LHFPL3: variants seen among roughly 807,000 people sequenced by gnomAD.
LHFPL3 encodes the protein LHFPL tetraspan subfamily member 3.
In LHFPL3, 5 loss-of-function variants were observed where a neutral mutation model predicts 19.3. The observed-to-expected ratio is 0.26, with a 90% confidence interval of 0.14 to 0.54. The LOEUF is 0.54. Among genes scored for constraint, LHFPL3 ranks in the 20% least tolerant of loss-of-function variants. LHFPL3 has a pLI of 0.94. For synonymous variants in LHFPL3, 133 were observed against 126.2 expected, an observed-to-expected ratio of 1.05 and a Z score of -0.36; for missense variants, 249 against 307.4, an observed-to-expected ratio of 0.81 and a Z score of 1.42.
intron 2 of LHFPL3, among the ~76,000 whole-genome samples, chr7:104,757,004 C>T (rs1211018284): frequency 1.3e-5 from 2 of 151,950 alleles, no homozygotes; most frequent in Non-Finnish European, 2.9e-5. Context: ...TAGAATGGTG[C>T]CCTACAAGTG....
chr7:104,790,896 GTC>G (rs1250134419), intron 2 of LHFPL3, among the ~76,000 whole-genome samples: 1 of 152,208 alleles, frequency 6.6e-6, no homozygotes, highest in Non-Finnish European at 1.5e-5. Context: ...AGTCATCTGT[GTC>G]TATGAAATAC....
intron 2 of LHFPL3, among the ~76,000 whole-genome samples, chr7:104,821,327 C>T (rs1790672866): frequency 1.3e-5 from 2 of 152,166 alleles, no homozygotes; most frequent in African/African-American, 4.8e-5. Context: ...TCGTGGGTGG[C>T]AGGGGCTGTG....
At chr7:104,659,694 T>C (rs1237947512) in intron 1 of LHFPL3, among the ~76,000 whole-genome samples, 3 of 152,156 alleles carry the variant, frequency 2.0e-5, no homozygotes, top group Admixed American at 6.5e-5. Context: ...AACTGAATGA[T>C]AGAAGGCCTT....
chr7:104,557,639 G>A (rs1193952266), intron 1 of LHFPL3, among the ~76,000 whole-genome samples: 1 of 151,996 alleles, frequency 6.6e-6, no homozygotes, highest in South Asian at 2.1e-4. Context: ...ACAGCAAGGA[G>A]ACTTTAATCT....
At chr7:104,621,970 A>T (rs185821674) in intron 1 of LHFPL3, among the ~76,000 whole-genome samples, 1 of 152,332 alleles carries the variant, frequency 6.6e-6, no homozygotes, top group East Asian at 1.9e-4. Context: ...CCCACCCCAG[A>T]AGATACAGCA....
chr7:104,799,124 C>A (rs1174415076), intron 2 of LHFPL3, among the ~76,000 whole-genome samples: 1 of 152,194 alleles, frequency 6.6e-6, no homozygotes, highest in African/African-American at 2.4e-5. Context: ...GTTACAACTG[C>A]CTAGTGACAA....
chr7:104,701,842 G>A (rs1236418230), intron 1 of LHFPL3, among the ~76,000 whole-genome samples: 1 of 148,410 alleles, frequency 6.7e-6, no homozygotes, highest in East Asian at 2.0e-4. Flanking sequence ...ATATTTCTAG[G>A]AACCCTTTTT....
chr7:104,898,943 C>G (rs891243152), intron 2 of LHFPL3, among the ~76,000 whole-genome samples: 27 of 151,934 alleles, frequency 1.8e-4, no homozygotes, highest in African/African-American at 6.3e-4. Context: ...AAAACTCTGT[C>G]TCTACAAAAA....
chr7:104,423,311 A>C (rs957717790), intron 1 of LHFPL3, among the ~76,000 whole-genome samples: 7 of 152,282 alleles, frequency 4.6e-5, no homozygotes, highest in African/African-American at 1.7e-4. Flanking sequence ...TGGCCATGAG[A>C]GAAGAAACAG....
intron 1 of LHFPL3, among the ~76,000 whole-genome samples, chr7:104,478,392 G>C (rs2115646440): frequency 6.6e-6 from 1 of 152,196 alleles, no homozygotes; most frequent in South Asian, 2.1e-4. Flanking sequence ...GGGGGCTCTT[G>C]GGGGTAGTTT....
chr7:104,655,599 G>A (rs80241122), intron 1 of LHFPL3, among the ~76,000 whole-genome samples: 16,644 of 152,164 alleles, frequency 0.11, 1,098 homozygotes, highest in Non-Finnish European at 0.14. Context: ...TTCTTGTATC[G>A]GATTGTTTGT....
chr7:104,750,553 T>A (rs1457150998), intron 2 of LHFPL3, among the ~76,000 whole-genome samples: 1 of 152,252 alleles, frequency 6.6e-6, no homozygotes, highest in Non-Finnish European at 1.5e-5. Flanking sequence ...TCCTTTTAGA[T>A]TTAGACTTGA....
chr7:104,657,440 A>G (rs1264503263), intron 1 of LHFPL3, among the ~76,000 whole-genome samples: 1 of 152,214 alleles, frequency 6.6e-6, no homozygotes, highest in Admixed American at 6.5e-5. Flanking sequence ...TCTGAAAATA[A>G]AAAGTCTAGA....
At chr7:104,810,720 C>A (rs1211043895) in intron 2 of LHFPL3, among the ~76,000 whole-genome samples, 1 of 152,116 alleles carries the variant, frequency 6.6e-6, no homozygotes, top group Non-Finnish European at 1.5e-5. Flanking sequence ...ATTTGGCAGA[C>A]CAGACACATG....
chr7:104,348,995 GACTCCTCCTTTTCCTTCTAT>G (rs1276490184), intron 1 of LHFPL3, among the ~76,000 whole-genome samples: 1 of 149,416 alleles, frequency 6.7e-6, no homozygotes, highest in East Asian at 1.9e-4. Context: ...TTTCTCCTTT[GACTCCTCCTTTTCCTTCTAT>G]CCTCCTCCCT....
chr7:104,693,882 G>C (rs1792951873), intron 1 of LHFPL3, among the ~76,000 whole-genome samples: 1 of 151,454 alleles, frequency 6.6e-6, no homozygotes, highest in Non-Finnish European at 1.5e-5. Context: ...CCGCCTGCCT[G>C]GGCCTCCCAA....
intron 2 of LHFPL3, among the ~76,000 whole-genome samples, chr7:104,896,634 G>GGAGCAAAGGCCCAGAGGTA (rs1792365747): frequency 6.6e-6 from 1 of 152,108 alleles, no homozygotes; most frequent in Non-Finnish European, 1.5e-5. Context: ...GCCCAGAGGT[G>GGAGCAAAGGCCCAGAGGTA]GAGCAAAGGC....
chr7:104,497,244 T>G (rs1399007551), intron 1 of LHFPL3, among the ~76,000 whole-genome samples: 1 of 149,228 alleles, frequency 6.7e-6, no homozygotes, highest in Non-Finnish European at 1.5e-5. Flanking sequence ...AACAAAACAT[T>G]GCAAATTTAC....
intron 1 of LHFPL3, among the ~76,000 whole-genome samples, chr7:104,586,030 G>C (rs1790569343): frequency 6.6e-6 from 1 of 152,042 alleles, no homozygotes; most frequent in Non-Finnish European, 1.5e-5. Context: ...AATAATTACA[G>C]TTGAAGAGTG....
Sources: gnomAD v4.1 joint callset for allele counts (sites outside exome capture counted in the v4.1 genomes callset) on GRCh38, gnomAD v4.1.1 for gene constraint, MANE v1.5 for transcripts, NCBI Gene and HGNC (gene_info 2026-07-23, HGNC 2026-07-21) for gene names.